Variants in SMAD1 observed in about 807,000 individuals in gnomAD.
SMAD1 encodes the protein SMAD family member 1.
Under a neutral mutation model 41.6 loss-of-function variants are expected in SMAD1, and 6 were observed. That is an observed-to-expected ratio of 0.14 (90% confidence interval 0.08 to 0.28). The LOEUF is 0.28. Among genes scored for constraint, SMAD1 ranks in the 10% least tolerant of loss-of-function variants. The pLI is 1.00. For missense variants in SMAD1, 379 were observed against 582.6 expected (o/e 0.65, Z 3.60); for synonymous variants, 206 against 203.2 (o/e 1.01, Z -0.12).
chr4:145,532,789 G>T (rs1731389010), intron 2 of SMAD1, among the ~76,000 whole-genome samples: 1 of 152,136 alleles, frequency 6.6e-6, no homozygotes, highest in South Asian at 2.1e-4. Flanking sequence ...ACAAGTCAGA[G>T]GGAAACACTG....
At chr4:145,501,723 T>C (rs1578752877) in intron 1 of SMAD1, among the ~76,000 whole-genome samples, 1 of 68,510 alleles carries the variant, frequency 1.5e-5, no homozygotes, top group Non-Finnish European at 5.5e-5. Flanking sequence ...TGGATTACCT[T>C]TTTTTTTTTT....
intron 1 of SMAD1, among the ~76,000 whole-genome samples, chr4:145,491,203 A>T (rs1264461225): frequency 6.6e-6 from 1 of 152,254 alleles, no homozygotes; most frequent in Non-Finnish European, 1.5e-5. Flanking sequence ...AGAAAGACTT[A>T]TATCAATAGG....
intron 1 of SMAD1, among the ~76,000 whole-genome samples, chr4:145,503,165 G>A (rs930752960): frequency 6.6e-6 from 1 of 152,152 alleles, no homozygotes; most frequent in Non-Finnish European, 1.5e-5. Flanking sequence ...TCAGTCCCAT[G>A]TTTGGAAGTA....
intron 1 of SMAD1, among the ~76,000 whole-genome samples, chr4:145,498,701 G>A (rs1377480063): frequency 6.6e-6 from 1 of 152,156 alleles, no homozygotes; most frequent in African/African-American, 2.4e-5. Flanking sequence ...TTTTTAGAAA[G>A]AGACCATACT....
intron 2 of SMAD1, among the ~76,000 whole-genome samples, chr4:145,520,511 G>A (rs1730681580): frequency 6.6e-6 from 1 of 152,192 alleles, no homozygotes; most frequent in Non-Finnish European, 1.5e-5. Flanking sequence ...CGATTGTCTG[G>A]ATGAAGTTGT....
rs1056120497 is a variant in SMAD1 at position 145,481,988 on chromosome 4, C to T, written c.-227C>T. 1.2e-3 allele frequency: 189 copies of T among 152,094 alleles called. No individual in the cohort carries two copies. The highest frequency in any genetic ancestry group is 2.4e-3 in the Non-Finnish European group (163 of 68,042). The allele number at this position is 152,094 out of a possible 1,614,324, so 9.4% of individuals were successfully genotyped here. On this transcript the variant is annotated 5_prime_UTR_variant, in exon 1 of 7. Transcript: ENST00000302085. ...CGTCCGGACCCGGGCCGCGAGACCC[C>T]GCTCGCCCGGCCACTCGTGCTCCCA... is the stretch of plus-strand genomic sequence containing the variant.
At chr4:145,516,314 C>T (rs1254714741) in intron 2 of SMAD1, among the ~76,000 whole-genome samples, 8 of 152,104 alleles carry the variant, frequency 5.3e-5, no homozygotes, top group Non-Finnish European at 1.2e-4. Context: ...TCCAACATTA[C>T]GTTTTTGTGA....
chr4:145,508,469 G>C (rs1428303299), intron 1 of SMAD1, among the ~76,000 whole-genome samples: 2 of 151,734 alleles, frequency 1.3e-5, no homozygotes, highest in East Asian at 3.9e-4. Context: ...GAAAATGATA[G>C]TATTTACTTC....
At chr4:145,522,619 C>T (rs1434572249) in intron 2 of SMAD1, among the ~76,000 whole-genome samples, 2 of 152,096 alleles carry the variant, frequency 1.3e-5, no homozygotes, top group East Asian at 1.9e-4. Context: ...AAATGGAAAT[C>T]TTTAAAAAAT....
At chr4:145,533,816 A>G (rs920958655) in intron 2 of SMAD1, among the ~76,000 whole-genome samples, 1 of 152,224 alleles carries the variant, frequency 6.6e-6, no homozygotes, top group African/African-American at 2.4e-5. Context: ...GCCTCATTTA[A>G]TCTCATTGAA....
Position 145,507,652 on chromosome 4 carries a change from G to GT in SMAD1, c.-176-6773dup, listed in dbSNP as rs540521423. Among the ~76,000 whole-genome samples, 477 of 141,978 alleles carry GT rather than the reference G, an allele frequency of 3.4e-3. 2 individuals are homozygous for GT. The highest frequency in any genetic ancestry group is 0.011 in the Middle Eastern group (3 of 278). The allele number at this position is 141,978 out of a possible 152,430, so 93.1% of individuals were successfully genotyped here. ...ATCTCAATATTTTTAAGGCTGCTGG[G>GT]TTTTTTTTTTTTTACTAGATGAATA... On this transcript the variant is annotated intron_variant, in intron 1 of 6. Coordinates refer to ENST00000302085, the MANE Select transcript of SMAD1 (RefSeq NM_005900.3).
At chr4:145,483,167 C>T (rs1345206765) in intron 1 of SMAD1, 2 of 152,196 alleles carry the variant, frequency 1.3e-5, no homozygotes, top group African/African-American at 4.8e-5. Flanking sequence ...CCTGAGAAAG[C>T]ATCCTTTTCG....
intron 2 of SMAD1, among the ~76,000 whole-genome samples, chr4:145,515,730 G>A (rs745815786): frequency 3.3e-5 from 5 of 152,138 alleles, no homozygotes; most frequent in Non-Finnish European, 7.3e-5. Context: ...TGGATCATTG[G>A]AAAGTGATTA....
chr4:145,553,011 C>T (rs1303096669), intron 5 of SMAD1, among the ~76,000 whole-genome samples: 1 of 151,986 alleles, frequency 6.6e-6, no homozygotes, highest in Non-Finnish European at 1.5e-5. Context: ...CTCAAGCAAT[C>T]CTGCCACCTC....
chr4:145,496,528 TAG>T (rs1395672548), intron 1 of SMAD1, among the ~76,000 whole-genome samples: 2 of 152,194 alleles, frequency 1.3e-5, no homozygotes, highest in East Asian at 3.8e-4. Flanking sequence ...CCTTGACCAA[TAG>T]AGGTTCGAAC....
Position 145,515,011 on chromosome 4 carries a change from C to T in SMAD1, c.398C>T (p.Pro133Leu), listed in dbSNP as rs765138085. ...TACCACTATAAGAGAGTAGAAAGCCCTGGTAAGTGAGTTATTTTATGTTGA... is the reference window on the plus strand; with the variant it reads ...TACCACTATAAGAGAGTAGAAAGCCTTGGTAAGTGAGTTATTTTATGTTGA... ...NPYHYKRVES[P>L]VLPPVLVPRH... The change falls in exon 2 of 7, where the codon CCT (proline) becomes CTT (leucine). Residue 133 changes from proline to leucine, a missense_variant and splice_region_variant. Physicochemically the swap from Pro to Leu is moderately conservative, Grantham distance 98. Around this residue, in one of 3 missense-constraint regions of SMAD1, gnomAD observed 208 missense variants for 210.5 expected, o/e 0.99. Transcript: ENST00000302085. 6.9e-6 allele frequency: 11 copies of T among 1,596,504 alleles called. No individual in the cohort carries two copies. The highest frequency in any genetic ancestry group is 9.4e-6 in the Non-Finnish European group (11 of 1,169,510).
In SMAD1 at chr4:145,557,952, C is replaced by G. The variant is rs767072769; in HGVS notation, c.*18C>G. 16 of 1,583,852 alleles carry G rather than the reference C, an allele frequency of 1.0e-5. No homozygotes were observed. The highest frequency in any genetic ancestry group is 3.4e-5 in the Admixed American group (2 of 58,908). On this transcript the variant is annotated 3_prime_UTR_variant, in exon 7 of 7. Coordinates refer to ENST00000302085, the MANE Select transcript of SMAD1 (RefSeq NM_005900.3). ...TATCTTAAATGGCCCCAGGCATCTGCCTCTGGAAAACTATTGAGCCTTGCA... is the reference window on the plus strand; with the variant it reads ...TATCTTAAATGGCCCCAGGCATCTGGCTCTGGAAAACTATTGAGCCTTGCA...
At chr4:145,534,850 G>C (rs181145727) in intron 2 of SMAD1, among the ~76,000 whole-genome samples, 5 of 152,306 alleles carry the variant, frequency 3.3e-5, no homozygotes, top group African/African-American at 1.2e-4. Flanking sequence ...TCTGGGTATA[G>C]GAGAAGGCTT....
chr4:145,530,196 A>T (rs1158045491), intron 2 of SMAD1, among the ~76,000 whole-genome samples: 1 of 152,220 alleles, frequency 6.6e-6, no homozygotes, highest in East Asian at 1.9e-4. Flanking sequence ...CTACAATGAA[A>T]GTCTGTGTAG....
Sources: allele counts gnomAD v4.1 joint callset (sites outside exome capture counted in the v4.1 genomes callset), GRCh38; gene constraint gnomAD v4.1.1; regional missense constraint gnomAD v4.1.1; transcripts MANE v1.5; gene names NCBI Gene and HGNC (gene_info 2026-07-23, HGNC 2026-07-21).